Variants in ATP1A4 observed in about 807,000 individuals in gnomAD.
ATP1A4 encodes ATPase Na+/K+ transporting subunit alpha 4.
Under a neutral mutation model 114.3 loss-of-function variants are expected in ATP1A4, and 90 were observed. That is an observed-to-expected ratio of 0.79 (90% CI 0.66 to 0.94). The LOEUF is 0.94. Among genes scored for constraint, ATP1A4 ranks in the 40% least tolerant of loss-of-function variants. ATP1A4 has a pLI of 0.00. For synonymous variants in ATP1A4, 511 were observed against 494.1 expected (o/e 1.03, Z -0.45); for missense variants, 1,222 against 1,313.6 (o/e 0.93, Z 1.08).
chr1:160,152,415 G>T (rs574012808), intron 1 of ATP1A4, among the ~76,000 whole-genome samples: 1 of 152,154 alleles, frequency 6.6e-6, no homozygotes, highest in Non-Finnish European at 1.5e-5. Flanking sequence ...GGAAGTGGGG[G>T]ATCAGCTTAA....
At chr1:160,173,964 G>A in intron 13 of ATP1A4, 147 bp from the exon 14 acceptor site, 1 of 1,091,554 alleles carries the variant, frequency 9.2e-7, no homozygotes, top group East Asian at 2.6e-5. Flanking sequence ...AATAGGATGT[G>A]TCAATTTGGG....
intron 7 of ATP1A4, among the ~76,000 whole-genome samples, chr1:160,164,647 GA>G (rs1489525124): frequency 6.6e-6 from 1 of 152,200 alleles, no homozygotes; most frequent in East Asian, 1.9e-4. Context: ...AGTTTCAATG[GA>G]AAGTGCATTG....
chr1:160,177,088 A>G (rs1419940291), intron 17 of ATP1A4, among the ~76,000 whole-genome samples: 1 of 152,214 alleles, frequency 6.6e-6, no homozygotes, highest in Admixed American at 6.5e-5. Context: ...GTAGACAGAG[A>G]TATCATTTGT....
Position 160,164,166 on chromosome 1 carries a change from G to C in ATP1A4, c.789G>C (p.Arg263=), listed in dbSNP as rs114426203. The change falls in exon 7 of 22, where the codon CGG becomes CGC. Residue 263 remains arginine (R), a synonymous_variant. Coordinates refer to ENST00000368081, the MANE Select transcript of ATP1A4 (RefSeq NM_144699.4). Reference sequence around the variant, plus strand: ...CTGCTTCATCCACAGGAACCGCCCGGGGTATTGTGATTGCTACGGGAGACT... The same window carrying C: ...CTGCTTCATCCACAGGAACCGCCCGCGGTATTGTGATTGCTACGGGAGACT... ...FSTNCVEGTA[R]GIVIATGDST... is the part of the protein sequence containing the mutation. The C allele has an allele frequency of 2.8e-4, 460 of 1,614,110 alleles. No individual in the cohort carries two copies. In the African/African-American group the frequency reaches 5.6e-3, roughly 20 times the overall value.
intron 12 of ATP1A4, among the ~76,000 whole-genome samples, chr1:160,173,218 T>C (rs1315016468): frequency 6.6e-6 from 1 of 152,220 alleles, no homozygotes; most frequent in Non-Finnish European, 1.5e-5. Flanking sequence ...GGCAGATGGA[T>C]TATTCCAGAC....
At chr1:160,178,014 G>A (rs57317438) in intron 18 of ATP1A4, among the ~76,000 whole-genome samples, 28,666 of 152,078 alleles carry the variant, frequency 0.19, 3,212 homozygotes, top group African/African-American at 0.32. Context: ...AATAAATGCT[G>A]GGTCCTCTCC....
chr1:160,167,287 A>G lies in ATP1A4; in HGVS notation c.1366A>G (p.Thr456Ala). Residue 456 changes from threonine (T) to alanine (A), a missense_variant, in exon 10 of 22, where the codon ACA (threonine) becomes GCA (alanine). Transcript: ENST00000368081. ...EILPIAKRATTGDASESALLK... is the reference protein window; with the variant it reads ...EILPIAKRATAGDASESALLK... ...AACCCCATCCTGGCAGAGGGCCACAACAGGTGATGCTTCCGAGTCAGCCCT... is the reference window on the plus strand; with the variant it reads ...AACCCCATCCTGGCAGAGGGCCACAGCAGGTGATGCTTCCGAGTCAGCCCT... The G allele has an allele frequency of 6.2e-7, 1 of 1,606,122 alleles. No homozygotes were observed. The highest frequency in any genetic ancestry group is 8.5e-7 in the Non-Finnish European group (1 of 1,177,156).
At chr1:160,174,472 C>A (rs1653385542) in intron 14 of ATP1A4, 107 bp from the exon 15 acceptor site, 5 of 1,503,670 alleles carry the variant, frequency 3.3e-6, no homozygotes, top group Non-Finnish European at 4.5e-6. Flanking sequence ...CTAAATCAAG[C>A]ATGATTACAT....
intron 4 of ATP1A4, among the ~76,000 whole-genome samples, chr1:160,158,480 G>A (rs555429835): frequency 5.3e-5 from 8 of 152,080 alleles, no homozygotes; most frequent in African/African-American, 1.9e-4. Flanking sequence ...GGGCTCAAGC[G>A]ATCCTCCAAC....
intron 6 of ATP1A4, among the ~76,000 whole-genome samples, chr1:160,161,863 C>T (rs959135843): frequency 7.9e-5 from 12 of 152,198 alleles, no homozygotes; most frequent in African/African-American, 1.9e-4. Context: ...CCTTAGAAAA[C>T]GGAGACCACC....
chr1:160,161,936 A>G (rs1652877079), intron 6 of ATP1A4, among the ~76,000 whole-genome samples: 1 of 152,216 alleles, frequency 6.6e-6, no homozygotes, highest in Non-Finnish European at 1.5e-5. Flanking sequence ...CACAAGTATG[A>G]GTCTATATTG....
At chr1:160,172,411 A>C (rs1237460919) in intron 12 of ATP1A4, among the ~76,000 whole-genome samples, 1 of 152,200 alleles carries the variant, frequency 6.6e-6, no homozygotes, top group Non-Finnish European at 1.5e-5. Context: ...CCTAAGAGGT[A>C]TATGCCCAGG....
At chr1:160,175,999 C>T (rs750004278) in intron 15 of ATP1A4, 93 bp from the exon 16 acceptor site, 4 of 1,322,052 alleles carry the variant, frequency 3.0e-6, no homozygotes, top group Admixed American at 3.4e-5. Context: ...TGGACTGTGA[C>T]ACTTCTTTGA....
intron 2 of ATP1A4, 103 bp downstream of exon 2, chr1:160,153,327 C>T (rs1652524698): frequency 9.8e-7 from 1 of 1,016,480 alleles, no homozygotes; most frequent in Non-Finnish European, 1.5e-6. Context: ...ACTTCAAGTC[C>T]AACGTTCCCA....
At chr1:160,185,690 G>A (rs535418461) in intron 20 of ATP1A4, among the ~76,000 whole-genome samples, 2 of 151,876 alleles carry the variant, frequency 1.3e-5, no homozygotes, top group Admixed American at 6.5e-5. Flanking sequence ...GGAGGTGGAG[G>A]CAGGCGGATC....
In ATP1A4 at chr1:160,186,380, T is replaced by C. The variant is rs1653895009; in HGVS notation, c.3061+13T>C. The C allele has an allele frequency of 1.9e-6, 3 of 1,599,718 alleles. No homozygotes were observed. The highest frequency in any genetic ancestry group is 1.3e-5 in the African/African-American group (1 of 74,680). On this transcript the variant is annotated intron_variant, in intron 21 of 21. Transcript: ENST00000368081. ...CAGCACCCGGATGGTGAGGCTCCCC[T>C]GGGCCCCGCTCTGACTGAGTGGTCA... is the stretch of plus-strand genomic sequence containing the variant.
At chr1:160,160,570 T>C (rs1280034285) in intron 6 of ATP1A4, among the ~76,000 whole-genome samples, 1 of 152,212 alleles carries the variant, frequency 6.6e-6, no homozygotes, top group Non-Finnish European at 1.5e-5. Flanking sequence ...ATAAATATTA[T>C]CTCTAATTCC....
intron 10 of ATP1A4, chr1:160,169,882 T>C (rs529604201): frequency 2.6e-5 from 4 of 152,354 alleles, no homozygotes; most frequent in African/African-American, 9.6e-5. Context: ...CTAGCCCCTC[T>C]CAGGAGACTT....
At chr1:160,169,016 T>G (rs1166467350) in intron 10 of ATP1A4, among the ~76,000 whole-genome samples, 2 of 144,346 alleles carry the variant, frequency 1.4e-5, no homozygotes, top group Non-Finnish European at 1.5e-5. Context: ...AATAGTGACT[T>G]TCTCTCAGAT....
Sources: allele counts gnomAD v4.1 joint callset (sites outside exome capture counted in the v4.1 genomes callset), GRCh38; gene constraint gnomAD v4.1.1; transcripts MANE v1.5; gene names NCBI Gene and HGNC (gene_info 2026-07-23, HGNC 2026-07-21).